The following ADGRE2 variants were observed in gnomAD, a reference collection of about 807,000 sequenced individuals.
ADGRE2 encodes CD97 antigen.
In ADGRE2, 83 loss-of-function variants were observed where a neutral mutation model predicts 100.8. That is an observed-to-expected ratio of 0.82 (90% CI 0.69 to 0.99). The LOEUF (loss-of-function observed/expected upper bound fraction) is 0.99, where lower values mean the gene tolerates loss of function less well. ADGRE2 is among the 50% of genes least tolerant of loss of function. ADGRE2 has a pLI of 0.00. For missense variants in ADGRE2, 814 were observed against 1,035.7 expected (o/e 0.79, Z 2.94); for synonymous variants, 355 against 413.0 (o/e 0.86, Z 1.70).
chr19:14,776,973 G>T, intron 1 of ADGRE2, 46 bp from the exon 2 acceptor site: 1 of 763,342 alleles, frequency 1.3e-6, no homozygotes, highest in Non-Finnish European at 1.8e-6. Flanking sequence ...AACCAGGGGC[G>T]CTGCACACAC....
chr19:14,751,914 T>C (rs62122599), intron 15 of ADGRE2, among the ~76,000 whole-genome samples: 20,597 of 71,906 alleles, frequency 0.29, 1,592 homozygotes, highest in Non-Finnish European at 0.31. Flanking sequence ...CACACACACA[T>C]ATATATATAT....
chr19:14,756,090 G>A (rs776034816), intron 12 of ADGRE2, 148 bp downstream of exon 12: 24 of 758,740 alleles, frequency 3.2e-5, no homozygotes, highest in Middle Eastern at 2.3e-4. Context: ...AACAAGGTCC[G>A]TTCCTCCTCA....
chr19:14,748,831 A>G (rs8109044), intron 16 of ADGRE2, among the ~76,000 whole-genome samples: 58,164 of 151,884 alleles, frequency 0.38, 12,710 homozygotes, highest in African/African-American at 0.59. Context: ...AGACATCACA[A>G]GAAAAGAAAA....
Position 14,746,980 on chromosome 19 carries a change from A to AC in ADGRE2, c.2025-19_2025-18insG, listed in dbSNP as rs398040937. The AC allele has an allele frequency of 3.3e-6, 5 of 1,514,520 alleles. No individual in the cohort carries two copies. Among genetic ancestry groups the AC allele is most frequent in the Non-Finnish European group, 4.4e-6 (5 of 1,123,934 alleles). 93.8% of individuals were successfully genotyped at this position (1,514,520 alleles called of 1,614,324 possible). ...GCCAGCAGCTGAAAAAAGAGAGATT[A>AC]AAAAAAATGCATCAGTTTTTGGAGA... is the stretch of plus-strand genomic sequence containing the variant. On this transcript the variant is annotated intron_variant, in intron 16 of 20. Coordinates refer to ENST00000315576, the MANE Select transcript of ADGRE2 (RefSeq NM_013447.4).
chr19:14,777,858 T>C (rs987072065), intron 1 of ADGRE2, among the ~76,000 whole-genome samples: 6 of 152,292 alleles, frequency 3.9e-5, no homozygotes, highest in African/African-American at 1.4e-4. Flanking sequence ...TATTCCCTGG[T>C]GTATATGTGC....
At chr19:14,755,295 ATAC>A (rs763497016) in intron 13 of ADGRE2, among the ~76,000 whole-genome samples, 168 bp from the exon 14 acceptor site, 23 of 132,530 alleles carry the variant, frequency 1.7e-4, no homozygotes, top group Non-Finnish European at 2.8e-4. Context: ...AAAAAAAAAA[ATAC>A]AAAAATTAGC....
intron 11 of ADGRE2, among the ~76,000 whole-genome samples, chr19:14,761,254 T>C (rs2043711519): frequency 6.6e-6 from 1 of 151,970 alleles, no homozygotes; most frequent in South Asian, 2.1e-4. Flanking sequence ...ACACACAAAA[T>C]AATTAGCCGG....
At chr19:14,768,915 G>T (rs2044090278) in intron 5 of ADGRE2, 1 of 152,360 alleles carries the variant, frequency 6.6e-6, no homozygotes, top group Non-Finnish European at 1.5e-5. Context: ...TCTGGACAGG[G>T]TGCCTGGGTC....
At chr19:14,773,202 T>C (rs1453613677) in intron 4 of ADGRE2, among the ~76,000 whole-genome samples, 1 of 150,248 alleles carries the variant, frequency 6.7e-6, no homozygotes, top group African/African-American at 2.5e-5. Context: ...AGACTCCAGA[T>C]TCCTGAGCAC....
chr19:14,736,785 A>AAT (rs2042760501), intron 20 of ADGRE2, among the ~76,000 whole-genome samples: 18 of 119,090 alleles, frequency 1.5e-4, no homozygotes, highest in Admixed American at 6.7e-4. Flanking sequence ...GATATTTAGA[A>AAT]GTATAGATAT....
At position 14,746,315 on chromosome 19, in the gene ADGRE2, T is replaced by G. The variant is rs1390669964; in HGVS notation, c.2100A>C (p.Leu700Phe). 6.3e-7 allele frequency: 1 copy of G among 1,589,708 alleles called. No homozygotes were observed. Among genetic ancestry groups the G allele is most frequent in the Non-Finnish European group, 8.6e-7 (1 of 1,159,150 alleles). Residue 700 changes from leucine to phenylalanine, a missense_variant, in exon 18 of 21, where the codon TTA becomes TTC. By Grantham distance (22) the Leu-to-Phe change is conservative (BLOSUM62 0). Transcript: ENST00000315576. ...GPVCAIFSVNLVLFLVTLWIL... is the reference protein window; with the variant it reads ...GPVCAIFSVNFVLFLVTLWIL... ...TCCAGAGAGTCACCAGAAAGAGAACTAAATTCACCTTCAGAAAACCACAGA... is the reference window on the plus strand; with the variant it reads ...TCCAGAGAGTCACCAGAAAGAGAACGAAATTCACCTTCAGAAAACCACAGA...
chr19:14,761,908 G>A (rs1041362024), intron 11 of ADGRE2, among the ~76,000 whole-genome samples: 4 of 152,174 alleles, frequency 2.6e-5, no homozygotes, highest in African/African-American at 9.7e-5. Flanking sequence ...GCATGGGTGG[G>A]AAGTCCCATT....
At chr19:14,736,704 A>C (rs2036222558) in intron 20 of ADGRE2, among the ~76,000 whole-genome samples, 1 of 146,594 alleles carries the variant, frequency 6.8e-6, no homozygotes, top group Non-Finnish European at 1.5e-5. Flanking sequence ...TTAGAAATAT[A>C]TAGATATTTA....
chr19:14,753,050 G>A (rs988316450), intron 14 of ADGRE2, among the ~76,000 whole-genome samples: 27 of 151,152 alleles, frequency 1.8e-4, no homozygotes, highest in African/African-American at 4.9e-4. Context: ...GATTACAGTC[G>A]TGAGCCACCA....
rs1318282115 is a variant in ADGRE2 at position 14,752,520 on chromosome 19, C to T, written c.1597G>A (p.Asp533Asn). 2 of 1,613,938 alleles carry T rather than the reference C, an allele frequency of 1.2e-6. No homozygotes were observed. The highest frequency in any genetic ancestry group is 3.3e-5 in the Admixed American group (2 of 59,978). ...TAGGTGATGACAGTCAGCACGGGAT[C>T]CTCCTCCTGGGACCCGGAAAAGAAG... ...LMAHYDVQEEDPVLTVITYMG... is the reference protein window; with the variant it reads ...LMAHYDVQEENPVLTVITYMG... Residue 533 changes from aspartate to asparagine, a missense_variant, in exon 15 of 21, where the codon GAT becomes AAT. Transcript: ENST00000315576.
chr19:14,770,669 CTTTTTTTTTT>C (rs775214778), intron 5 of ADGRE2, among the ~76,000 whole-genome samples: 6 of 85,010 alleles, frequency 7.1e-5, no homozygotes, highest in African/African-American at 1.4e-4. Context: ...TCTTTCTTTT[CTTTTTTTTTT>C]TTTTTTTTTT....
chr19:14,729,649 G>C (rs933235285), downstream of ADGRE2, among the ~76,000 whole-genome samples: 1 of 152,146 alleles, frequency 6.6e-6, no homozygotes, highest in Non-Finnish European at 1.5e-5. Flanking sequence ...ACTGCGCCCG[G>C]TGGGATACAA....
intron 18 of ADGRE2, among the ~76,000 whole-genome samples, chr19:14,745,173 G>C (rs1042852537): frequency 1.2e-4 from 19 of 152,022 alleles, no homozygotes; most frequent in African/African-American, 4.6e-4. Context: ...GCTTCCCAAA[G>C]TGCTGGGATT....
At chr19:14,738,969 C>CTTTTTTT (rs68029679) in intron 20 of ADGRE2, among the ~76,000 whole-genome samples, 6 of 104,904 alleles carry the variant, frequency 5.7e-5, no homozygotes, top group Admixed American at 2.8e-4. Context: ...CTTTTCTTTT[C>CTTTTTTT]TTTTTTTTTT....
Sources: gnomAD v4.1 joint callset for allele counts (sites outside exome capture counted in the v4.1 genomes callset) on GRCh38, gnomAD v4.1.1 for gene constraint, MANE v1.5 for transcripts, NCBI Gene and HGNC (gene_info 2026-07-23, HGNC 2026-07-21) for gene names.